Variants in PTPN1 observed in about 807,000 individuals in gnomAD.
The protein encoded by PTPN1 is tyrosine-protein phosphatase non-receptor type 1.
Under a neutral mutation model 59.9 loss-of-function variants are expected in PTPN1, and 12 were observed. The observed-to-expected ratio is 0.20, with a 90% CI of 0.13 to 0.32. The LOEUF (loss-of-function observed/expected upper bound fraction) is 0.32, where lower values mean the gene tolerates loss of function less well. Among genes scored for constraint, PTPN1 ranks in the 10% least tolerant of loss-of-function variants. The pLI is 1.00. For synonymous variants in PTPN1, 178 were observed against 203.6 expected (o/e 0.87, Z 1.07); for missense variants, 356 against 549.2 (o/e 0.65, Z 3.52).
chr20:50,568,757 G>A lies in PTPN1; in HGVS notation c.354+279G>A, dbSNP rs1197274516. Among the ~76,000 whole-genome samples the A allele has an allele frequency of 6.6e-6, 1 of 152,224 alleles. No individual in the cohort carries two copies. The highest frequency in any genetic ancestry group is 2.4e-5 in the African/African-American group (1 of 41,458). On this transcript the variant is annotated intron_variant, in intron 4 of 9. Coordinates refer to ENST00000371621, the MANE Select transcript of PTPN1 (RefSeq NM_002827.4). The surrounding 1 kb of genome is among the most constrained non-coding windows in gnomAD (Gnocchi z 5.6). ...GGCGCTCCGCCCACCTGTGCTGCCT[G>A]TGCGGCTCTCATCACAGTGTGGAGT...
At chr20:50,519,659 T>A (rs1462066312) in intron 1 of PTPN1, among the ~76,000 whole-genome samples, 3 of 152,194 alleles carry the variant, frequency 2.0e-5, no homozygotes, top group African/African-American at 7.2e-5. Flanking sequence ...CATGCTGTTT[T>A]ATTTACAGGG....
chr20:50,529,564 C>T (rs1601390820), intron 1 of PTPN1, among the ~76,000 whole-genome samples: 1 of 152,216 alleles, frequency 6.6e-6, no homozygotes, highest in South Asian at 2.1e-4. Flanking sequence ...GAGCAGATGA[C>T]ACTTTTGCGT....
rs139630293 is a variant in PTPN1, at chr20:50,581,370, C to G, written c.1194C>G (p.Asp398Glu). Reference protein sequence around the residue: ...AKGEPSLPEKDEDHALSYWKP... With the variant: ...AKGEPSLPEKEEDHALSYWKP... ...GGGAGCCGTCACTGCCCGAGAAGGA[C>G]GAGGACCATGCACTGAGTTACTGGA... Residue 398 changes from aspartate to glutamate, a missense_variant, in exon 9 of 10, where the codon GAC becomes GAG. Transcript: ENST00000371621. 5 of 1,614,034 alleles carry G rather than the reference C, an allele frequency of 3.1e-6. No homozygotes were observed. Among genetic ancestry groups the G allele is most frequent in the Non-Finnish European group, 2.5e-6 (3 of 1,179,992 alleles).
intron 5 of PTPN1, 85 bp downstream of exon 5, chr20:50,574,739 G>C: frequency 6.8e-7 from 1 of 1,469,042 alleles, no homozygotes; most frequent in Non-Finnish European, 9.2e-7. Context: ...ATTACCTAAT[G>C]TCAGTGTTCC....
intron 4 of PTPN1, 39 bp from the exon 5 acceptor site, chr20:50,574,478 A>G (rs1462131406): frequency 6.5e-7 from 1 of 1,548,798 alleles, no homozygotes; most frequent in Non-Finnish European, 8.7e-7. Context: ...AAAAACTGCC[A>G]TATTGCTCAC....
intron 5 of PTPN1, among the ~76,000 whole-genome samples, chr20:50,575,473 A>G (rs1286267268): frequency 6.6e-6 from 1 of 152,206 alleles, no homozygotes; most frequent in Non-Finnish European, 1.5e-5. Flanking sequence ...GGTGTGTAGC[A>G]CGGGCTTTAT....
At chr20:50,518,975 C>A (rs1031250943) in intron 1 of PTPN1, among the ~76,000 whole-genome samples, 6 of 152,120 alleles carry the variant, frequency 3.9e-5, no homozygotes, top group African/African-American at 1.4e-4. Context: ...CTTTATGTAC[C>A]TATCATGGTG....
intron 5 of PTPN1, among the ~76,000 whole-genome samples, chr20:50,577,121 T>C (rs1334382802): frequency 1.3e-5 from 2 of 152,156 alleles, no homozygotes; most frequent in African/African-American, 4.8e-5. Flanking sequence ...ACATTAAATA[T>C]TATTTACTAG....
chr20:50,567,545 T>C (rs902402002), intron 3 of PTPN1, among the ~76,000 whole-genome samples: 1 of 152,170 alleles, frequency 6.6e-6, no homozygotes, highest in African/African-American at 2.4e-5. Context: ...ATAGGCAATG[T>C]CTCTTCCAGC....
At chr20:50,574,749 C>T in intron 5 of PTPN1, 95 bp downstream of exon 5, 1 of 1,454,836 alleles carries the variant, frequency 6.9e-7, no homozygotes, top group Non-Finnish European at 9.3e-7. Context: ...GTCAGTGTTC[C>T]TGGCTTTTGT....
intron 1 of PTPN1, among the ~76,000 whole-genome samples, chr20:50,536,363 A>G (rs1019592717): frequency 6.6e-6 from 1 of 152,214 alleles, no homozygotes; most frequent in African/African-American, 2.4e-5. Context: ...ACGTGTACCA[A>G]TGGCCTCTTT....
At chr20:50,562,005 G>A (rs58089316) in intron 2 of PTPN1, among the ~76,000 whole-genome samples, 1,860 of 152,292 alleles carry the variant, frequency 0.012, 30 homozygotes, top group African/African-American at 0.042. Flanking sequence ...TGGCAGCCCT[G>A]TCCGCCTTCT....
intron 1 of PTPN1, among the ~76,000 whole-genome samples, chr20:50,520,777 A>T (rs1475994790): frequency 6.6e-6 from 1 of 152,194 alleles, no homozygotes; most frequent in African/African-American, 2.4e-5. Context: ...ATGGAAGAAG[A>T]CGACTCAGGA....
intron 1 of PTPN1, among the ~76,000 whole-genome samples, chr20:50,523,442 CT>C (rs2082559955): frequency 6.6e-6 from 1 of 152,358 alleles, no homozygotes; most frequent in Admixed American, 6.5e-5. Flanking sequence ...CTGCTTTATA[CT>C]TTTTTGTGTA....
chr20:50,541,934 C>A (rs1182117850), intron 1 of PTPN1, among the ~76,000 whole-genome samples: 1 of 152,200 alleles, frequency 6.6e-6, no homozygotes, highest in South Asian at 2.1e-4. Context: ...TTGCTACTCT[C>A]GTTTTTACTA....
rs1364690180 is a variant in PTPN1 at position 50,568,458 on chromosome 20, A to G, written c.334A>G (p.Arg112Gly). ...AAGCAGGGGTGTCGTCATGCTCAAC[A>G]GAGTGATGGAGAAAGGTTCGGTAAG... The part of the protein sequence containing the change: ...QKSRGVVMLN[R>G]VMEKGSLKCA... Residue 112 changes from arginine to glycine, a missense_variant, in exon 4 of 10, where the codon AGA becomes GGA. By Grantham distance (125) the Arg-to-Gly change is moderately radical. Transcript: ENST00000371621. This position sits in a 1 kb window ranked among gnomAD's most constrained non-coding sequence, Gnocchi z 5.6. The G allele has an allele frequency of 1.9e-6, 3 of 1,614,140 alleles. No individual in the cohort carries two copies. The highest frequency in any genetic ancestry group is 2.5e-6 in the Non-Finnish European group (3 of 1,179,976).
rs1240976037 is a variant in PTPN1, at chr20:50,581,454, C to T, written c.1278C>T (p.Cys426=). The change falls in exon 9 of 10, where the codon TGC becomes TGT. Residue 426 remains cysteine (C), a synonymous_variant. Transcript: ENST00000371621. ...ATVLTAGAYL[C]YRFLFNSNT Reference sequence around the variant, plus strand: ...TCCTCACGGCCGGCGCTTACCTCTGCTACAGGGTATGTTTCCACTGACAGA... The same window carrying T: ...TCCTCACGGCCGGCGCTTACCTCTGTTACAGGGTATGTTTCCACTGACAGA... The T allele has an allele frequency of 1.9e-6, 3 of 1,606,144 alleles. No homozygotes were observed. The highest frequency in any genetic ancestry group is 1.3e-5 in the African/African-American group (1 of 74,920).
In PTPN1 at chr20:50,574,695, G is replaced by A. The variant is rs6020609; in HGVS notation, c.492+41G>A. ...ACTTCAGCACTTCAGGCGGCTACTG[G>A]TTCACATGCCTCTTCCTTTATCCCT... is the stretch of plus-strand genomic sequence containing the variant. On this transcript the variant is annotated intron_variant, in intron 5 of 9. Coordinates refer to ENST00000371621, the MANE Select transcript of PTPN1 (RefSeq NM_002827.4). 3.1e-3 allele frequency: 4,780 copies of A among 1,560,530 alleles called. 118 individuals are homozygous for A. The African/African-American group carries it at 0.056, about 18-fold the overall frequency.
intron 1 of PTPN1, among the ~76,000 whole-genome samples, chr20:50,529,508 T>C (rs1341697893): frequency 6.6e-6 from 1 of 152,234 alleles, no homozygotes; most frequent in Non-Finnish European, 1.5e-5. Context: ...TGGTTTGGAA[T>C]TTCCTGAGAT....
Sources: allele counts gnomAD v4.1 joint callset (sites outside exome capture counted in the v4.1 genomes callset), GRCh38; gene constraint gnomAD v4.1.1; non-coding constraint Gnocchi (gnomAD v3.1); transcripts MANE v1.5; gene names NCBI Gene and HGNC (gene_info 2026-07-23, HGNC 2026-07-21).